The following TG variants were observed in gnomAD, a reference collection of about 807,000 sequenced individuals.
TG encodes thyroglobulin.
TG carries 270 observed loss-of-function variants against 324.7 expected under a neutral mutation model. The observed-to-expected ratio is 0.83, with a 90% confidence interval of 0.75 to 0.92. The LOEUF (loss-of-function observed/expected upper bound fraction) is 0.92, where lower values mean the gene tolerates loss of function less well. TG is among the 40% of genes least tolerant of loss of function. The pLI is 0.00. For synonymous variants in TG, 1,401 were observed against 1,327.0 expected (o/e 1.06, Z -1.21); for missense variants, 3,591 against 3,456.4 (o/e 1.04, Z -0.98).
chr8:133,061,379 T>G (rs1354822616), intron 41 of TG, among the ~76,000 whole-genome samples: 1 of 152,208 alleles, frequency 6.6e-6, no homozygotes, highest in African/African-American at 2.4e-5. Flanking sequence ...GTCACAAAAT[T>G]AACTGAGATA....
At chr8:132,941,234 C>A in intron 25 of TG, 117 bp from the exon 26 acceptor site, 1 of 1,255,200 alleles carries the variant, frequency 8.0e-7, no homozygotes, top group Non-Finnish European at 1.2e-6. Context: ...TTGGCCCACA[C>A]GCTGCCTGGA....
At chr8:133,122,928 G>A (rs1310800198) in intron 45 of TG, among the ~76,000 whole-genome samples, 7 of 152,082 alleles carry the variant, frequency 4.6e-5, no homozygotes, top group Admixed American at 6.5e-5. Context: ...TTTCCAGCGC[G>A]GCCTGTAATC....
At chr8:132,922,090 A>G (rs1587416138) in intron 21 of TG, among the ~76,000 whole-genome samples, 1 of 152,248 alleles carries the variant, frequency 6.6e-6, no homozygotes, top group Admixed American at 6.5e-5. Flanking sequence ...AAGTAATGAT[A>G]AAGTCCCTGT....
chr8:133,019,636 A>G lies in TG; in HGVS notation c.6817A>G (p.Thr2273Ala). The change falls in exon 39 of 48, where the codon ACG becomes GCG. Residue 2273 changes from threonine to alanine, a missense_variant. Physicochemically the swap from Thr to Ala is moderately conservative, Grantham distance 58. Transcript: ENST00000220616. Reference protein sequence around the residue: ...SCWQPGTRTSTSPGVSEDCLY... With the variant: ...SCWQPGTRTSASPGVSEDCLY... ...CTGGCAGCCAGGCACCAGAACATCC[A>G]CGTCTCCTGGAGTCAGTGAAGATTG... is the stretch of plus-strand genomic sequence containing the variant. 6.2e-7 allele frequency: 1 copy of G among 1,613,870 alleles called. No homozygotes were observed. The highest frequency in any genetic ancestry group is 8.5e-7 in the Non-Finnish European group (1 of 1,179,840).
At position 132,935,694 on chromosome 8, in the gene TG, T is replaced by A. The variant is rs537532603; in HGVS notation, c.4933-62T>A. On this transcript the variant is annotated intron_variant, in intron 24 of 47. Transcript: ENST00000220616. ...CTAGCCATGGTTAGGGTTGGATGAA[T>A]GTTTGTTGGATTGAATTATAAAGTA... 23 of 1,452,480 alleles carry A rather than the reference T, an allele frequency of 1.6e-5. No individual in the cohort carries two copies. The African/African-American group carries it at 2.9e-4, about 18-fold the overall frequency. The allele number at this position is 1,452,480 out of a possible 1,614,324, so 90.0% of individuals were successfully genotyped here.
In TG at chr8:132,868,162, G is replaced by T. The variant is rs771157696; in HGVS notation, c.115G>T (p.Glu39Ter). ...QPLRPCELQR[E>*]TAFLKQADYV... ...CCTTCGTCCCTGTGAGCTGCAGAGG[G>T]AAACGGCCTTTCTGAAGCAAGCAGA... Residue 39 changes from glutamate (E) to a stop codon, truncating the protein, a stop_gained, in exon 2 of 48, where the codon GAA (glutamate) becomes TAA (stop). Coordinates refer to ENST00000220616, the MANE Select transcript of TG (RefSeq NM_003235.5). LOFTEE classifies it high-confidence loss of function. The T allele has an allele frequency of 8.7e-6, 14 of 1,614,176 alleles. No individual in the cohort carries two copies. Among genetic ancestry groups the T allele is most frequent in the Non-Finnish European group, 1.1e-5 (13 of 1,180,046 alleles).
intron 45 of TG, among the ~76,000 whole-genome samples, chr8:133,126,142 C>G (rs1851499825): frequency 6.6e-6 from 1 of 152,160 alleles, no homozygotes; most frequent in African/African-American, 2.4e-5. Flanking sequence ...ATCTGCATCA[C>G]CTGGCCATTC....
In TG at chr8:133,023,573, G is replaced by A. The variant is rs553236878; in HGVS notation, c.7036+1423G>A. 1.4e-3 allele frequency among the ~76,000 whole-genome samples: 210 copies of A among 152,300 alleles called. 2 individuals carry two copies. Among genetic ancestry groups the A allele is most frequent in the African/African-American group, 4.9e-3 (204 of 41,562 alleles). ...GTGAGTTTATTTTCCTCTTTGAAGA[G>A]GGAGACCTCTTGGCCTGGGTTTGCT... On this transcript the variant is annotated intron_variant, in intron 40 of 47. Coordinates refer to ENST00000220616, the MANE Select transcript of TG (RefSeq NM_003235.5).
intron 34 of TG, among the ~76,000 whole-genome samples, chr8:132,983,101 C>T (rs992268006): frequency 2.0e-5 from 3 of 152,080 alleles, no homozygotes; most frequent in African/African-American, 7.2e-5. Flanking sequence ...GAGCAAAGCC[C>T]CCAGCCTCTC....
chr8:132,962,966 T>C, intron 28 of TG, 28 bp from the exon 29 acceptor site: 3 of 1,609,690 alleles, frequency 1.9e-6, no homozygotes, highest in African/African-American at 1.3e-5. Flanking sequence ...CTCCCCAACA[T>C]TGCAACAACT....
Position 132,886,449 on chromosome 8 carries a change from T to C in TG, c.1077T>C (p.Ala359=). ...TRQQGEPPSC[A]EGQSCASERQ... ...CCCATTTCACTTTGTCTCATGCAGC[T>C]GAAGGCCAATCTTGTGCCTCCGAAA... Residue 359 remains alanine, a splice_region_variant and synonymous_variant, in exon 9 of 48, where the codon GCT becomes GCC. Transcript: ENST00000220616. 1.2e-6 allele frequency: 2 copies of C among 1,614,204 alleles called. No homozygotes were observed.
intron 5 of TG, among the ~76,000 whole-genome samples, chr8:132,880,007 C>T (rs1161120969): frequency 6.6e-6 from 1 of 152,226 alleles, no homozygotes; most frequent in Non-Finnish European, 1.5e-5. Flanking sequence ...TCAGAACCCA[C>T]CTCGGGCCAG....
At chr8:132,899,137 G>T in intron 14 of TG, 1 of 576,002 alleles carries the variant, frequency 1.7e-6, no homozygotes, top group South Asian at 2.0e-5. Flanking sequence ...GCCACATTTT[G>T]TCCTAGCTAA....
intron 35 of TG, among the ~76,000 whole-genome samples, chr8:132,992,743 C>T (rs575628424): frequency 1.3e-5 from 2 of 152,294 alleles, no homozygotes; most frequent in Admixed American, 1.3e-4. Context: ...AGGGTTTGTT[C>T]CTCCTCTGCT....
At chr8:132,975,823 T>C (rs969150576) in intron 34 of TG, among the ~76,000 whole-genome samples, 5 of 152,164 alleles carry the variant, frequency 3.3e-5, no homozygotes, top group Admixed American at 6.5e-5. Flanking sequence ...TAAATCACTA[T>C]GTTGTGTGAT....
intron 8 of TG, among the ~76,000 whole-genome samples, chr8:132,883,984 G>A (rs1055687100): frequency 6.6e-6 from 1 of 152,158 alleles, no homozygotes; most frequent in Admixed American, 6.5e-5. Flanking sequence ...GCTTGTAGTG[G>A]CTGCCAGCAA....
At position 133,116,606 on chromosome 8, in the gene TG, C is replaced by T. The variant is rs765274318; in HGVS notation, c.7755-3C>T. 1.9e-6 allele frequency: 3 copies of T among 1,612,644 alleles called. No individual in the cohort carries two copies. In the East Asian group the frequency reaches 6.7e-5, roughly 36 times the overall value. ...GACTCCCCCCATGTTCTCTTTTCAC[C>T]AGGGACTACTTTATCATCTGCCCTA... On this transcript the variant is annotated splice_polypyrimidine_tract_variant and splice_region_variant and intron_variant, in intron 44 of 47. Transcript: ENST00000220616.
intron 17 of TG, among the ~76,000 whole-genome samples, chr8:132,907,421 C>T (rs1003584930): frequency 6.6e-6 from 1 of 152,140 alleles, no homozygotes; most frequent in Admixed American, 6.5e-5. Flanking sequence ...GTTTCGGCCC[C>T]CTTTCCTAGT....
intron 35 of TG, chr8:132,995,368 C>T: frequency 1.0e-6 from 1 of 985,180 alleles, no homozygotes; most frequent in Non-Finnish European, 1.2e-6. Context: ...AGACACAGGT[C>T]TCTAACGTGG....
Sources: allele counts gnomAD v4.1 joint callset (sites outside exome capture counted in the v4.1 genomes callset), GRCh38; gene constraint gnomAD v4.1.1; transcripts MANE v1.5; gene names NCBI Gene and HGNC (gene_info 2026-07-23, HGNC 2026-07-21).